DDAH1: variants seen among roughly 807,000 people sequenced by gnomAD.
DDAH1 encodes N(G),N(G)-dimethylarginine dimethylaminohydrolase 1.
In DDAH1, 19 loss-of-function variants were observed where a neutral mutation model predicts 28.8. The ratio of observed to expected loss-of-function variants is 0.66; its 90% CI spans 0.46 to 0.97. The LOEUF is 0.97. Ranked by LOEUF, DDAH1 falls within the 50% of genes least tolerant of loss-of-function variation. The pLI is 0.00. For synonymous variants in DDAH1, 153 were observed against 154.4 expected (o/e 0.99, Z 0.07); for missense variants, 326 against 375.9 (o/e 0.87, Z 1.10).
intron 1 of DDAH1, among the ~76,000 whole-genome samples, chr1:85,528,096 T>C (rs1657935294): frequency 1.3e-5 from 2 of 151,942 alleles, no homozygotes; most frequent in Non-Finnish European, 2.9e-5. Flanking sequence ...TTAGGATTTC[T>C]TAAATTTTTT....
At chr1:85,391,877 C>T (rs1651567500) in intron 1 of DDAH1, among the ~76,000 whole-genome samples, 1 of 152,204 alleles carries the variant, frequency 6.6e-6, no homozygotes, top group Non-Finnish European at 1.5e-5. Flanking sequence ...AACAGGCTGT[C>T]TACCCTCTGA....
chr1:85,490,908 T>C (rs11161622), intron 2 of DDAH1, among the ~76,000 whole-genome samples: 69,856 of 152,064 alleles, frequency 0.46, 16,531 homozygotes, highest in East Asian at 0.61. Context: ...ATTCTGAGAT[T>C]CTGGCCTCTT....
chr1:85,351,384 T>A (rs1649191859), intron 3 of DDAH1, 122 bp downstream of exon 3: 3 of 773,958 alleles, frequency 3.9e-6, no homozygotes, highest in Non-Finnish European at 6.3e-6. Flanking sequence ...GTACAAACAT[T>A]ACGAATTATT....
intron 1 of DDAH1, among the ~76,000 whole-genome samples, chr1:85,497,540 A>G (rs1322118619): frequency 6.6e-6 from 1 of 152,186 alleles, no homozygotes; most frequent in Non-Finnish European, 1.5e-5. Flanking sequence ...ATTACAGAAA[A>G]TTTTTAGATA....
intron 2 of DDAH1, among the ~76,000 whole-genome samples, chr1:85,486,174 CA>C (rs1364770313): frequency 2.0e-5 from 3 of 152,160 alleles, no homozygotes; most frequent in Non-Finnish European, 4.4e-5. Flanking sequence ...CTTACTATCA[CA>C]ATGCCTAAGA....
chr1:85,469,051 T>C (rs891897734), upstream of DDAH1, among the ~76,000 whole-genome samples: 3 of 152,186 alleles, frequency 2.0e-5, no homozygotes, highest in African/African-American at 4.8e-5. Context: ...AGCCACCACA[T>C]GTGAAAGGCT....
chr1:85,436,332 T>C (rs946540881), intron 1 of DDAH1, among the ~76,000 whole-genome samples: 4 of 152,180 alleles, frequency 2.6e-5, no homozygotes, highest in Non-Finnish European at 5.9e-5. Context: ...GTATTGATCA[T>C]TGATTAATAT....
intron 1 of DDAH1, among the ~76,000 whole-genome samples, chr1:85,527,913 G>A (rs2773177): frequency 3.3e-5 from 5 of 151,992 alleles, no homozygotes; most frequent in Admixed American, 6.6e-5. Context: ...ATGCATGTAC[G>A]TATACACATA....
At chr1:85,488,844 T>C (rs544172830) in intron 2 of DDAH1, among the ~76,000 whole-genome samples, 3 of 152,318 alleles carry the variant, frequency 2.0e-5, no homozygotes, top group African/African-American at 7.2e-5. Context: ...GAAAAAGTAT[T>C]AAAAGTCAGG....
intron 1 of DDAH1, among the ~76,000 whole-genome samples, chr1:85,409,170 G>C (rs751841884): frequency 1.3e-5 from 2 of 152,004 alleles, no homozygotes; most frequent in Non-Finnish European, 2.9e-5. Flanking sequence ...TGTTAGTCTT[G>C]GTACATTACA....
intron 1 of DDAH1, among the ~76,000 whole-genome samples, chr1:85,405,109 A>G (rs566752403): frequency 2.0e-5 from 3 of 152,308 alleles, no homozygotes; most frequent in Admixed American, 6.5e-5. Context: ...AGGGGCCACC[A>G]GAGTAATCAG....
chr1:85,391,570 G>A (rs1463185356), intron 1 of DDAH1, among the ~76,000 whole-genome samples: 3 of 152,190 alleles, frequency 2.0e-5, no homozygotes, highest in South Asian at 4.1e-4. Context: ...ACACATATTG[G>A]TGAGAATTAG....
Position 85,464,576 on chromosome 1 carries a change from T to C in DDAH1, c.303+167A>G, listed in dbSNP as rs1655263895. The stretch of plus-strand genomic sequence containing the variant: ...CCGGGAGGTGTGAACAATGAACTTC[T>C]CTCTGACTCTCTGACACACACACAC... On this transcript the variant is annotated intron_variant, in intron 1 of 5. Transcript: ENST00000284031. This position sits in a 1 kb window ranked among gnomAD's most constrained non-coding sequence, Gnocchi z 4.4. 1 of 1,504,144 alleles carries C rather than the reference T, an allele frequency of 6.6e-7. No homozygotes were observed. Among genetic ancestry groups the C allele is most frequent in the African/African-American group, 1.5e-5 (1 of 67,442 alleles). 93.2% of individuals were successfully genotyped at this position (1,504,144 alleles called of 1,614,324 possible).
chr1:85,456,734 G>C (rs1204263202), intron 1 of DDAH1, among the ~76,000 whole-genome samples: 1 of 152,142 alleles, frequency 6.6e-6, no homozygotes, highest in African/African-American at 2.4e-5. Context: ...AGGAGCATCT[G>C]TATATAACTA....
At chr1:85,458,366 G>A (rs1033747764) in intron 1 of DDAH1, among the ~76,000 whole-genome samples, 1 of 148,970 alleles carries the variant, frequency 6.7e-6, no homozygotes, top group Non-Finnish European at 1.5e-5. Flanking sequence ...GGAAAATGAT[G>A]TACATTATTA....
chr1:85,553,752 T>C (rs1357670611), intron 1 of DDAH1, among the ~76,000 whole-genome samples: 1 of 152,220 alleles, frequency 6.6e-6, no homozygotes, highest in Non-Finnish European at 1.5e-5. Flanking sequence ...ATATTGGTGG[T>C]AGTGTTTACT....
chr1:85,530,212 T>G (rs1341837447), intron 1 of DDAH1, among the ~76,000 whole-genome samples: 1 of 152,186 alleles, frequency 6.6e-6, no homozygotes, highest in Non-Finnish European at 1.5e-5. Context: ...CCAAAGTATA[T>G]AGTAAGCGTT....
At chr1:85,420,032 G>T (rs1653069712) in intron 1 of DDAH1, among the ~76,000 whole-genome samples, 1 of 152,124 alleles carries the variant, frequency 6.6e-6, no homozygotes, top group South Asian at 2.1e-4. Context: ...ACCCTCTGGA[G>T]CTGTGGTCTG....
chr1:85,466,948 C>T (rs1409006708), upstream of DDAH1, among the ~76,000 whole-genome samples: 1 of 139,206 alleles, frequency 7.2e-6, no homozygotes, highest in Non-Finnish European at 1.5e-5. Flanking sequence ...AGTGATTCTC[C>T]TGCCTCGGCC....
Sources: gnomAD v4.1 joint callset for allele counts (sites outside exome capture counted in the v4.1 genomes callset) on GRCh38, gnomAD v4.1.1 for gene constraint, Gnocchi (gnomAD v3.1) non-coding constraint, MANE v1.5 for transcripts, NCBI Gene and HGNC (gene_info 2026-07-23, HGNC 2026-07-21) for gene names.